Variants in WIZ observed in about 807,000 individuals in gnomAD.
The protein encoded by WIZ is protein Wiz.
WIZ carries 25 observed loss-of-function variants against 140.2 expected under a neutral mutation model. The observed-to-expected ratio is 0.18, with a 90% CI of 0.13 to 0.25. WIZ has a LOEUF of 0.25. Ranked by LOEUF, WIZ falls within the 10% of genes least tolerant of loss-of-function variation. The pLI is 1.00. For synonymous variants in WIZ, 1,125 were observed against 1,154.3 expected (o/e 0.97, Z 0.51); for missense variants, 2,231 against 2,632.6 (o/e 0.85, Z 3.34).
chr19:15,428,116 T>A lies in WIZ; in HGVS notation c.3808A>T (p.Asn1270Tyr). Residue 1270 changes from asparagine (N) to tyrosine (Y), a missense_variant, in exon 8 of 13, where the codon AAC becomes TAC. Asn to Tyr is a moderately radical substitution (Grantham distance 143, BLOSUM62 -2). Around this residue, in one of 15 missense-constraint regions of WIZ, gnomAD observed 141 missense variants for 161.2 expected, o/e 0.87. Coordinates refer to ENST00000673675, the MANE Select transcript of WIZ (RefSeq NM_001371589.1). The surrounding 1 kb of genome is among the most constrained non-coding windows in gnomAD (Gnocchi z 6.4). ...WASDVEPSPL[N>Y]LSSGPEPARD... ...AGCTGAAGCGAGAACCTACAGAGGT[T>A]GAGAGGAGACGGCTCCACATCAGAG... 1.3e-6 allele frequency: 2 copies of A among 1,533,744 alleles called. No individual in the cohort carries two copies. Among genetic ancestry groups the A allele is most frequent in the Non-Finnish European group, 1.7e-6 (2 of 1,146,640 alleles).
At position 15,440,821 on chromosome 19, in the gene WIZ, C is replaced by T; in HGVS notation, c.279-106G>A. On this transcript the variant is annotated intron_variant, in intron 3 of 12. Coordinates refer to ENST00000673675, the MANE Select transcript of WIZ (RefSeq NM_001371589.1). The surrounding 1 kb of genome is among the most constrained non-coding windows in gnomAD (Gnocchi z 6.2). ...GCCGTTTGAAGCAGGCCCCGGAGAT[C>T]CAGCCCGAGGGTGACAGGGGTGTGG... 1 of 1,184,266 alleles carries T rather than the reference C, an allele frequency of 8.4e-7. No individual in the cohort carries two copies. Among genetic ancestry groups the T allele is most frequent in the Non-Finnish European group, 1.1e-6 (1 of 872,580 alleles). The allele number at this position is 1,184,266 out of a possible 1,614,324, so 73.4% of individuals were successfully genotyped here.
chr19:15,439,202 T>C lies in WIZ; in HGVS notation c.1792A>G (p.Lys598Glu), dbSNP rs1445230950. 5.2e-6 allele frequency: 8 copies of C among 1,535,750 alleles called. No homozygotes were observed. The highest frequency in any genetic ancestry group is 7.0e-6 in the Non-Finnish European group (8 of 1,146,718). ...TPYSLQLGRN[K>E]STVHPQGLGE... ...AGCCCTTGTGGGTGGACGGTGCTTT[T>C]GTTTCTCCCGAGCTGTAAGGAGTAG... is the stretch of plus-strand genomic sequence containing the variant. The change falls in exon 4 of 13, where the codon AAA (lysine) becomes GAA (glutamate). Residue 598 changes from lysine (K) to glutamate (E), a missense_variant. Lys to Glu is a moderately conservative substitution (Grantham distance 56). Around this residue, in one of 15 missense-constraint regions of WIZ, gnomAD observed 475 missense variants for 520.2 expected, o/e 0.91. Coordinates refer to ENST00000673675, the MANE Select transcript of WIZ (RefSeq NM_001371589.1). The surrounding 1 kb of genome is among the most constrained non-coding windows in gnomAD (Gnocchi z 7.0).
At position 15,442,225 on chromosome 19, in the gene WIZ, G is replaced by T. The variant is rs1969772040; in HGVS notation, c.278+451C>A. Among the ~76,000 whole-genome samples, 1 of 151,458 alleles carries T rather than the reference G, an allele frequency of 6.6e-6. No homozygotes were observed. The highest frequency in any genetic ancestry group is 1.5e-5 in the Non-Finnish European group (1 of 67,940). Reference sequence around the variant, plus strand: ...AGATGACTATGACTTATTAGCACCTGCCAAGCCATTTAATAAAGAGTAGGG... The same window carrying T: ...AGATGACTATGACTTATTAGCACCTTCCAAGCCATTTAATAAAGAGTAGGG... On this transcript the variant is annotated intron_variant, in intron 3 of 12. Transcript: ENST00000673675. The surrounding 1 kb of genome is among the most constrained non-coding windows in gnomAD (Gnocchi z 5.5).
At position 15,425,656 on chromosome 19, in the gene WIZ, C is replaced by T. The variant is rs748338204; in HGVS notation, c.4479G>A (p.Val1493=). Residue 1493 remains valine, a synonymous_variant, in exon 10 of 13, where the codon GTG becomes GTA. Coordinates refer to ENST00000673675, the MANE Select transcript of WIZ (RefSeq NM_001371589.1). ...GCGAACCATTGACGGACCACTCGGT[C>T]ACACCCATCTGCCGCAGGTGTGAGC... ...HARSHLRQMG[V]TEWSVNGSPI... The T allele has an allele frequency of 1.5e-5, 24 of 1,613,498 alleles. No individual in the cohort carries two copies. The highest frequency in any genetic ancestry group is 2.0e-5 in the Non-Finnish European group (24 of 1,179,970).
chr19:15,437,141 G>A lies in WIZ; in HGVS notation c.2417-12C>T. On this transcript the variant is annotated splice_polypyrimidine_tract_variant and intron_variant, in intron 4 of 12. Coordinates refer to ENST00000673675, the MANE Select transcript of WIZ (RefSeq NM_001371589.1). ...GTCAAAGTTGGCCACTGTGGAGAGAGGACAGGACTGCCTGAGGTGGAGAGG... is the reference window on the plus strand; with the variant it reads ...GTCAAAGTTGGCCACTGTGGAGAGAAGACAGGACTGCCTGAGGTGGAGAGG... 6.4e-7 allele frequency: 1 copy of A among 1,573,212 alleles called. No individual in the cohort carries two copies. The highest frequency in any genetic ancestry group is 8.6e-7 in the Non-Finnish European group (1 of 1,160,612).
chr19:15,424,227 T>C lies in WIZ; in HGVS notation c.5466A>G (p.Thr1822=), dbSNP rs777317054. 7.6e-6 allele frequency: 12 copies of C among 1,569,636 alleles called. 1 individual carries two copies. The South Asian group carries it at 1.3e-4, about 17-fold the overall frequency. The change falls in exon 12 of 13, where the codon ACA becomes ACG. Residue 1822 remains threonine (T), a synonymous_variant. Coordinates refer to ENST00000673675, the MANE Select transcript of WIZ (RefSeq NM_001371589.1). This position sits in a 1 kb window ranked among gnomAD's most constrained non-coding sequence, Gnocchi z 9.7. ...TGTTGCCCACGAACTTGACAAGTGATGTCTGGGGGGGCCGGGGCACCAGGG... is the reference window on the plus strand; with the variant it reads ...TGTTGCCCACGAACTTGACAAGTGACGTCTGGGGGGGCCGGGGCACCAGGG... ...VPSLVPRPPQ[T]SLVKFVGNIY...
At chr19:15,430,298 G>A (rs1568299394) in intron 6 of WIZ, among the ~76,000 whole-genome samples, 1 of 152,212 alleles carries the variant, frequency 6.6e-6, no homozygotes, top group Non-Finnish European at 1.5e-5. Flanking sequence ...ACTCAGAGAG[G>A]GAAAAGTTGT....
chr19:15,435,737 C>T (rs1314971092), intron 5 of WIZ, among the ~76,000 whole-genome samples: 2 of 151,320 alleles, frequency 1.3e-5, no homozygotes, highest in Non-Finnish European at 2.9e-5. Flanking sequence ...GCAGGAGAAT[C>T]GCTGGAACCT....
Position 15,431,193 on chromosome 19 carries a change from G to A in WIZ, c.2741-11C>T, listed in dbSNP as rs571460315. ...CCTCAGAACCCAGGCCTGTGGGTTG[G>A]GGAGACAGGCTCAGCCCAGACAAAT... On this transcript the variant is annotated splice_polypyrimidine_tract_variant and intron_variant, in intron 5 of 12. Coordinates refer to ENST00000673675, the MANE Select transcript of WIZ (RefSeq NM_001371589.1). The A allele has an allele frequency of 6.7e-5, 101 of 1,507,332 alleles. No individual in the cohort carries two copies. In the East Asian group the frequency reaches 2.2e-3, roughly 33 times the overall value. The allele number at this position is 1,507,332 out of a possible 1,614,324, so 93.4% of individuals were successfully genotyped here.
At chr19:15,441,265 T>C (rs763742537) in intron 3 of WIZ, among the ~76,000 whole-genome samples, 2 of 143,682 alleles carry the variant, frequency 1.4e-5, no homozygotes, top group Admixed American at 6.9e-5. Flanking sequence ...GCTAAGCCTT[T>C]GGCCCCAGTG....
Position 15,425,389 on chromosome 19 carries a change from G to C in WIZ, c.4746C>G (p.Pro1582=). The C allele has an allele frequency of 1.9e-6, 3 of 1,557,152 alleles. No individual in the cohort carries two copies. Among genetic ancestry groups the C allele is most frequent in the Non-Finnish European group, 2.6e-6 (3 of 1,150,440 alleles). The stretch of plus-strand genomic sequence containing the variant: ...CTGAGCCCAGGTAGCCAGTGGCTGA[G>C]GGCTTGGCCCCAGTGATGGGCGTCA... ...LSLTPITGAK[P]SATGYLGSVA... Residue 1582 remains proline, a synonymous_variant, in exon 10 of 13, where the codon CCC becomes CCG. Transcript: ENST00000673675.
chr19:15,444,936 G>A (rs192291942), intron 2 of WIZ, among the ~76,000 whole-genome samples: 43 of 152,298 alleles, frequency 2.8e-4, no homozygotes, highest in African/African-American at 7.0e-4. Flanking sequence ...CCAGGGGACC[G>A]CGTGGCCTCT....
chr19:15,429,504 C>CG, intron 7 of WIZ, 82 bp downstream of exon 7: 1 of 1,251,372 alleles, frequency 8.0e-7, no homozygotes, highest in Non-Finnish European at 1.0e-6. Context: ...ACCCTGGGCC[C>CG]TGTCCCTGGG....
In WIZ at chr19:15,436,849, A is replaced by C; in HGVS notation, c.2697T>G (p.Phe899Leu). 6.2e-7 allele frequency: 1 copy of C among 1,611,094 alleles called. No homozygotes were observed. Among genetic ancestry groups the C allele is most frequent in the South Asian group, 1.1e-5 (1 of 90,874 alleles). Residue 899 changes from phenylalanine to leucine, a missense_variant, in exon 5 of 13, where the codon TTT becomes TTG. Transcript: ENST00000673675. ...CAGGGTCCTCAGCCCAGGTGGGTGG[A>C]AAGGGCACCGTGAGAGGTAAGCGGG... ...RRPRLPLTVP[F>L]PPTWAEDPGP...
At chr19:15,426,933 G>A (rs762821009) in intron 9 of WIZ, 49 bp downstream of exon 9, 1 of 1,555,020 alleles carries the variant, frequency 6.4e-7, no homozygotes, top group Non-Finnish European at 8.7e-7. Context: ...GAGGCAGGGA[G>A]GAGACCCCTC....
Position 15,429,758 on chromosome 19 carries a change from G to A in WIZ, c.3243C>T (p.Gly1081=). 1 of 1,503,350 alleles carries A rather than the reference G, an allele frequency of 6.7e-7. No homozygotes were observed. The highest frequency in any genetic ancestry group is 8.9e-7 in the Non-Finnish European group (1 of 1,128,430). 93.1% of individuals were successfully genotyped at this position (1,503,350 alleles called of 1,614,324 possible). Residue 1081 remains glycine (G), a synonymous_variant, in exon 7 of 13, where the codon GGC becomes GGT. Transcript: ENST00000673675. ...GTGGAGAGCTGGGCGGGTGGCCCAG[G>A]CCCTTGGCCGAGAAGCCGGGAGGCG... The part of the protein sequence containing the change: ...IKSPPGFSAK[G]LGHPPSSPLL...
chr19:15,432,492 C>T (rs1212207329), intron 5 of WIZ: 2 of 979,840 alleles, frequency 2.0e-6, no homozygotes, highest in Non-Finnish European at 2.4e-6. Context: ...TGGGCCCGTC[C>T]CGCGGCGGCG....
At position 15,436,117 on chromosome 19, in the gene WIZ, C is replaced by T. The variant is rs117564602; in HGVS notation, c.2740+689G>A. Reference sequence around the variant, plus strand: ...CAGCCGGGGCAAAAGAGCGAGACTCCATCTCGAAAAAAAAGAAAATCTAGA... The same window carrying T: ...CAGCCGGGGCAAAAGAGCGAGACTCTATCTCGAAAAAAAAGAAAATCTAGA... On this transcript the variant is annotated intron_variant, in intron 5 of 12. Coordinates refer to ENST00000673675, the MANE Select transcript of WIZ (RefSeq NM_001371589.1). 3.9e-4 allele frequency among the ~76,000 whole-genome samples: 60 copies of T among 152,204 alleles called. 2 individuals are homozygous for T. The East Asian group carries it at 0.012, about 29-fold the overall frequency.
chr19:15,448,148 T>G lies in WIZ; in HGVS notation c.160A>C (p.Lys54Gln), dbSNP rs1318677492. 1.2e-6 allele frequency: 2 copies of G among 1,612,622 alleles called. No individual in the cohort carries two copies. The highest frequency in any genetic ancestry group is 2.7e-5 in the African/African-American group (2 of 74,820). Residue 54 changes from lysine to glutamine, a missense_variant, in exon 2 of 13, where the codon AAG (lysine) becomes CAG (glutamine). Physicochemically the swap from Lys to Gln is moderately conservative, Grantham distance 53. This residue lies in a region of WIZ where 85 missense variants were observed against 90.9 expected (regional missense o/e 0.94). Transcript: ENST00000673675. ...FRSTRYLPVT[K>Q]EGPRDILDGR... ...TCCAGAATGTCTCGGGGGCCCTCCT[T>G]GGTGACAGGCAGGTAACGGGTGGAC...
Sources: gnomAD v4.1 joint callset for allele counts (sites outside exome capture counted in the v4.1 genomes callset) on GRCh38, gnomAD v4.1.1 for gene constraint, gnomAD v4.1.1 regional missense constraint, Gnocchi (gnomAD v3.1) non-coding constraint, MANE v1.5 for transcripts, NCBI Gene and HGNC (gene_info 2026-07-23, HGNC 2026-07-21) for gene names.